EXT1: variants seen among roughly 807,000 people sequenced by gnomAD.
The protein encoded by EXT1 is exostosin-1.
A neutral mutation model predicts 82.5 loss-of-function variants in EXT1; 20 were observed. The ratio of observed to expected loss-of-function variants is 0.24; its 90% CI spans 0.17 to 0.35. EXT1 has a LOEUF of 0.35. Among genes scored for constraint, EXT1 ranks in the 10% least tolerant of loss-of-function variants. The probability of loss-of-function intolerance (pLI) is 1.00; values close to 1 mark genes in which losing one functional copy is unlikely to be tolerated. For synonymous variants in EXT1, 348 were observed against 350.8 expected (o/e 0.99, Z 0.09); for missense variants, 757 against 936.5 (o/e 0.81, Z 2.50).
chr8:117,897,128 C>A (rs6981280), intron 1 of EXT1, among the ~76,000 whole-genome samples: 123,893 of 152,206 alleles, frequency 0.81, 50,547 homozygotes, highest in Non-Finnish European at 0.85. Context: ...AAAGCTGCAG[C>A]CAGTTAAGAA....
chr8:117,802,070 C>T (rs571910611), intron 10 of EXT1, among the ~76,000 whole-genome samples: 12 of 152,056 alleles, frequency 7.9e-5, no homozygotes, highest in African/African-American at 1.2e-4. Flanking sequence ...TTTACTTTAC[C>T]GGTCATACAA....
intron 2 of EXT1, among the ~76,000 whole-genome samples, chr8:117,836,252 G>A (rs2129788658): frequency 6.6e-6 from 1 of 152,270 alleles, no homozygotes; most frequent in South Asian, 2.1e-4. Context: ...CATCCCAGGA[G>A]GCTACAAGAA....
chr8:118,082,771 G>A (rs1275301747), intron 1 of EXT1, among the ~76,000 whole-genome samples: 1 of 152,150 alleles, frequency 6.6e-6, no homozygotes, highest in Non-Finnish European at 1.5e-5. Context: ...CATTTCAAAT[G>A]GTTTTCTCAC....
At chr8:117,868,166 G>A (rs1812807111) in intron 1 of EXT1, among the ~76,000 whole-genome samples, 1 of 152,194 alleles carries the variant, frequency 6.6e-6, no homozygotes, top group African/African-American at 2.4e-5. Flanking sequence ...CTCATCAAGA[G>A]AGGCTAAGGC....
At chr8:118,030,777 T>C (rs546903251) in intron 1 of EXT1, among the ~76,000 whole-genome samples, 99 of 152,276 alleles carry the variant, frequency 6.5e-4, no homozygotes, top group African/African-American at 2.3e-3. Context: ...CCACCGTGCC[T>C]GGCCAGTTAG....
chr8:117,979,683 A>C (rs1419899582), intron 1 of EXT1, among the ~76,000 whole-genome samples: 1 of 152,204 alleles, frequency 6.6e-6, no homozygotes, highest in African/African-American at 2.4e-5. Flanking sequence ...CTAGATGCGT[A>C]ATCTCCACAA....
intron 8 of EXT1, 29 bp from the exon 9 acceptor site, chr8:117,807,406 A>T: frequency 6.2e-7 from 1 of 1,613,982 alleles, no homozygotes; most frequent in Non-Finnish European, 8.5e-7. Context: ...CCAAACAAGC[A>T]ATCAACAGTG....
At chr8:118,055,211 C>T (rs1023563576) in intron 1 of EXT1, among the ~76,000 whole-genome samples, 24 of 152,188 alleles carry the variant, frequency 1.6e-4, no homozygotes, top group African/African-American at 5.8e-4. Context: ...TTTGCATCTC[C>T]TAGAAGTCTG....
chr8:118,064,750 CCA>C (rs557412109), intron 1 of EXT1, among the ~76,000 whole-genome samples: 93 of 152,256 alleles, frequency 6.1e-4, no homozygotes, highest in Middle Eastern at 3.4e-3. Context: ...TGAAGAATCG[CCA>C]CACTGTCTTC....
rs1273451951 is a variant in EXT1, at chr8:118,110,093, C to T, written c.954G>A (p.Glu318=). 6.2e-7 allele frequency: 1 copy of T among 1,614,000 alleles called. No individual in the cohort carries two copies. Among genetic ancestry groups the T allele is most frequent in the African/African-American group, 1.3e-5 (1 of 74,922 alleles). Residue 318 remains glutamate, a synonymous_variant, in exon 1 of 11, where the codon GAG becomes GAA. Transcript: ENST00000378204. Reference sequence around the variant, plus strand: ...CCAGCCCAGACACTTACTTCTCATACTCGGTGTTGTCTCTGTCACAGCGAG... The same window carrying T: ...CCAGCCCAGACACTTACTTCTCATATTCGGTGTTGTCTCTGTCACAGCGAG... ...KDSRCDRDNT[E]YEKYDYREML...
intron 1 of EXT1, among the ~76,000 whole-genome samples, chr8:117,950,509 A>G (rs1470427244): frequency 6.6e-6 from 1 of 152,196 alleles, no homozygotes; most frequent in African/African-American, 2.4e-5. Context: ...CTGTTTATGT[A>G]AACTCCTGCC....
At chr8:118,105,093 T>C (rs968850847) in intron 1 of EXT1, among the ~76,000 whole-genome samples, 6 of 152,166 alleles carry the variant, frequency 3.9e-5, no homozygotes, top group African/African-American at 1.4e-4. Flanking sequence ...ACCAGCAACA[T>C]AGCCTGAGAA....
intron 1 of EXT1, among the ~76,000 whole-genome samples, chr8:117,930,646 C>A (rs1814041630): frequency 6.6e-6 from 1 of 152,158 alleles, no homozygotes; most frequent in Non-Finnish European, 1.5e-5. Flanking sequence ...TTGACAAAGT[C>A]CTTTCCAACA....
chr8:117,949,951 G>A (rs1814459922), intron 1 of EXT1, among the ~76,000 whole-genome samples: 1 of 152,222 alleles, frequency 6.6e-6, no homozygotes, highest in Admixed American at 6.5e-5. Flanking sequence ...GAGGCCAGAT[G>A]TGGTGACTCA....
chr8:117,821,693 T>C (rs1172241381), intron 5 of EXT1, among the ~76,000 whole-genome samples: 1 of 152,208 alleles, frequency 6.6e-6, no homozygotes, highest in Non-Finnish European at 1.5e-5. Context: ...CGGCACTGAA[T>C]GGAAAATCTT....
chr8:118,007,623 TA>T (rs1815806502), intron 1 of EXT1, among the ~76,000 whole-genome samples: 1 of 152,142 alleles, frequency 6.6e-6, no homozygotes, highest in South Asian at 2.1e-4. Context: ...AAAGTAAAAT[TA>T]AATTAAATAC....
chr8:117,808,636 T>G (rs981446945), intron 8 of EXT1, among the ~76,000 whole-genome samples: 1 of 152,200 alleles, frequency 6.6e-6, no homozygotes, highest in African/African-American at 2.4e-5. Context: ...TTTTGAGTCC[T>G]GGCACTGTGA....
intron 1 of EXT1, among the ~76,000 whole-genome samples, chr8:118,065,702 A>G (rs1816973009): frequency 6.6e-6 from 1 of 152,248 alleles, no homozygotes; most frequent in East Asian, 1.9e-4. Flanking sequence ...TTAGTCATTC[A>G]CATTCCAAAC....
intron 1 of EXT1, among the ~76,000 whole-genome samples, chr8:118,047,112 G>A (rs1458043689): frequency 6.6e-6 from 1 of 152,090 alleles, no homozygotes; most frequent in Admixed American, 6.6e-5. Context: ...CATTAAAATC[G>A]CCTGGGGAAG....
Sources: gnomAD v4.1 joint callset for allele counts (sites outside exome capture counted in the v4.1 genomes callset) on GRCh38, gnomAD v4.1.1 for gene constraint, MANE v1.5 for transcripts, NCBI Gene and HGNC (gene_info 2026-07-23, HGNC 2026-07-21) for gene names.